DMD: variants seen among roughly 807,000 people sequenced by gnomAD.
DMD encodes dystrophin, also known as mutant dystrophin.
DMD carries 63 observed loss-of-function variants against 330.1 expected under a neutral mutation model. The observed-to-expected ratio is 0.19, with a 90% CI of 0.16 to 0.24. The LOEUF is 0.24. Ranked by LOEUF, DMD falls within the 10% of genes least tolerant of loss-of-function variation. DMD has a pLI of 1.00. For synonymous variants in DMD, 1,223 were observed against 959.8 expected, an observed-to-expected ratio of 1.27 and a Z score of -5.07; for missense variants, 3,344 against 2,684.1, an observed-to-expected ratio of 1.25 and a Z score of -5.43.
rs1307072328 is a variant in DMD at position 32,348,313 on chromosome X, G to A, written c.5448+93C>T. Reference sequence around the variant, plus strand: ...TAGAATCATAAAATGTGTAATATGTGCTCTGAAAATTCAGTTGGAGACTTA... The same window carrying A: ...TAGAATCATAAAATGTGTAATATGTACTCTGAAAATTCAGTTGGAGACTTA... On this transcript the variant is annotated intron_variant, in intron 38 of 78. Transcript: ENST00000357033. 3.5e-5 allele frequency: 31 copies of A among 889,088 alleles called. No individual in the cohort carries two copies. In the East Asian group the frequency reaches 9.2e-4, roughly 26 times the overall value. 73.3% of individuals were successfully genotyped at this position (889,088 alleles called of 1,213,427 possible). A position where few individuals can be genotyped will look rare whatever the true frequency, so the allele number is the denominator to read the frequency against.
intron 77 of DMD, among the ~76,000 whole-genome samples, chrX:31,128,920 C>A: frequency 8.9e-6 from 1 of 112,313 alleles, no homozygotes; most frequent in Non-Finnish European, 1.9e-5. Context: ...TTGATTACAA[C>A]ATTTTTAAAA....
chrX:32,563,511 T>C (rs184863281), intron 16 of DMD, among the ~76,000 whole-genome samples: 1 of 111,198 alleles, frequency 9.0e-6, no homozygotes, highest in Non-Finnish European at 1.9e-5. Context: ...AAGAGATACA[T>C]GCTGTAATGC....
intron 43 of DMD, among the ~76,000 whole-genome samples, chrX:32,231,849 A>G (rs2097170182): frequency 9.0e-6 from 1 of 111,696 alleles, no homozygotes; most frequent in Non-Finnish European, 1.9e-5. Flanking sequence ...AGGTTGCAGC[A>G]TTTAAAAAAG....
At chrX:31,955,991 A>G (rs1299892980) in intron 45 of DMD, among the ~76,000 whole-genome samples, 6 of 112,506 alleles carry the variant, frequency 5.3e-5, no homozygotes, top group Non-Finnish European at 1.1e-4. Context: ...GCAGTTTGGC[A>G]TTGTCATGAG....
chrX:32,167,421 A>G (rs1201096300), intron 44 of DMD, among the ~76,000 whole-genome samples: 1 of 111,795 alleles, frequency 8.9e-6, no homozygotes, highest in Non-Finnish European at 1.9e-5. Context: ...CCAGTTTCTT[A>G]ACTTCTTGAA....
chrX:31,315,041 C>A (rs2148219696), intron 62 of DMD, among the ~76,000 whole-genome samples: 1 of 111,776 alleles, frequency 8.9e-6, no homozygotes, highest in Non-Finnish European at 1.9e-5. Context: ...TGCTGCTGAC[C>A]TTTGTGAAGG....
At chrX:32,866,723 TTGGGGG>T (rs2082511390) in intron 2 of DMD, among the ~76,000 whole-genome samples, 2 of 8,993 alleles carry the variant, frequency 2.2e-4, no homozygotes, top group Admixed American at 1.8e-3. Flanking sequence ...ACACTTTTTT[TTGGGGG>T]GGGGTGGGGG....
Position 31,146,370 on chromosome X carries a change from A to G in DMD, c.10842T>C (p.Pro3614=). The G allele has an allele frequency of 8.3e-7, 1 of 1,210,479 alleles. No homozygotes were observed. The highest frequency in any genetic ancestry group is 1.1e-6 in the Non-Finnish European group (1 of 894,344). ...TGTCGGACCTCTGTAGAGAGGTAGAAGGAGAGGACACCGTTGTGCCATTCA... is the reference window on the plus strand; with the variant it reads ...TGTCGGACCTCTGTAGAGAGGTAGAGGGAGAGGACACCGTTGTGCCATTCA... ...AKVNGTTVSS[P]STSLQRSDSS... Residue 3614 remains proline, a synonymous_variant, in exon 76 of 79, where the codon CCT becomes CCC. Coordinates refer to ENST00000357033, the MANE Select transcript of DMD (RefSeq NM_004006.3).
At chrX:31,385,220 A>C (rs1326013356) in intron 60 of DMD, among the ~76,000 whole-genome samples, 1 of 111,561 alleles carries the variant, frequency 9.0e-6, no homozygotes, top group African/African-American at 3.3e-5. Flanking sequence ...GCTTGGATAA[A>C]GCCCAGAGCC....
intron 1 of DMD, among the ~76,000 whole-genome samples, chrX:33,282,028 A>C (rs781159397): frequency 9.1e-6 from 1 of 109,984 alleles, no homozygotes; most frequent in South Asian, 4.0e-4. Context: ...TCTGGGTAAA[A>C]GTGGAGGGAT....
chrX:31,364,485 CTGAGT>C (rs2059125757), intron 60 of DMD, among the ~76,000 whole-genome samples: 1 of 112,031 alleles, frequency 8.9e-6, no homozygotes, highest in Admixed American at 9.5e-5. Context: ...CTTAACTAAT[CTGAGT>C]TGAGTTTTCT....
chrX:32,816,406 A>G (rs754088280), intron 6 of DMD, 62 bp downstream of exon 6: 751 of 1,155,217 alleles, frequency 6.5e-4, no homozygotes, highest in Non-Finnish European at 8.5e-4. Flanking sequence ...GGGGAAAAAT[A>G]TGTCATCAGA....
intron 63 of DMD, among the ~76,000 whole-genome samples, chrX:31,236,620 G>A (rs1357848454): frequency 8.9e-6 from 1 of 112,252 alleles, no homozygotes; most frequent in Non-Finnish European, 1.9e-5. Context: ...CCATTTGTTT[G>A]GAATGGGACG....
At chrX:32,734,437 G>A (rs368188690) in intron 7 of DMD, among the ~76,000 whole-genome samples, 8 of 105,101 alleles carry the variant, frequency 7.6e-5, no homozygotes, top group East Asian at 2.9e-4. Flanking sequence ...ATCCTGATAC[G>A]AAAGCCTGGC....
intron 49 of DMD, among the ~76,000 whole-genome samples, chrX:31,832,369 G>C (rs985896851): frequency 2.7e-5 from 3 of 110,809 alleles, no homozygotes; most frequent in African/African-American, 9.9e-5. Flanking sequence ...GTTGGCAGTA[G>C]AACAAACTCA....
intron 63 of DMD, among the ~76,000 whole-genome samples, chrX:31,260,390 T>A (rs2050392465): frequency 8.9e-6 from 1 of 112,255 alleles, no homozygotes; most frequent in African/African-American, 3.2e-5. Context: ...TCTGTACCCA[T>A]TCAAAATAAT....
intron 20 of DMD, among the ~76,000 whole-genome samples, chrX:32,485,625 T>C (rs1318216072): frequency 9.2e-6 from 1 of 108,175 alleles, no homozygotes; most frequent in Non-Finnish European, 1.9e-5. Flanking sequence ...ATAAAATCTA[T>C]ATAATACTTA....
chrX:31,492,211 C>G (rs1371631094), intron 57 of DMD, among the ~76,000 whole-genome samples: 4 of 112,466 alleles, frequency 3.6e-5, no homozygotes, highest in African/African-American at 1.3e-4. Context: ...CAAAAGTCCA[C>G]AAATATAAGA....
intron 7 of DMD, among the ~76,000 whole-genome samples, chrX:32,769,483 A>G (rs994815792): frequency 1.8e-4 from 20 of 112,142 alleles, no homozygotes; most frequent in Admixed American, 8.5e-4. Flanking sequence ...TCAGTCACCA[A>G]TAAGGAACAC....
Sources: allele counts gnomAD v4.1 joint callset (sites outside exome capture counted in the v4.1 genomes callset), GRCh38; gene constraint gnomAD v4.1.1; transcripts MANE v1.5; gene names NCBI Gene and HGNC (gene_info 2026-07-23, HGNC 2026-07-21).